E2F6: variants seen among roughly 807,000 people sequenced by gnomAD.
E2F6 encodes E2F transcription factor 6, also known as transcription factor E2F6.
A neutral mutation model predicts 31.5 loss-of-function variants in E2F6; 19 were observed. That is an observed-to-expected ratio of 0.60 (90% CI 0.42 to 0.89). The LOEUF (loss-of-function observed/expected upper bound fraction) is 0.89, where lower values mean the gene tolerates loss of function less well. E2F6 is among the 40% of genes least tolerant of loss of function. The pLI, the probability that E2F6 is intolerant of heterozygous loss-of-function variation, is 0.00. For missense variants in E2F6, 269 were observed against 341.6 expected (o/e 0.79, Z 1.67); for synonymous variants, 121 against 127.7 (o/e 0.95, Z 0.36).
chr2:11,449,940 G>T, intron 5 of E2F6, 72 bp downstream of exon 5: 1 of 1,195,900 alleles, frequency 8.4e-7, no homozygotes. Flanking sequence ...AAGTATGACT[G>T]CAATAAATCA....
intron 3 of E2F6, among the ~76,000 whole-genome samples, chr2:11,452,736 C>A (rs898759293): frequency 6.6e-6 from 1 of 151,952 alleles, no homozygotes; most frequent in African/African-American, 2.4e-5. Context: ...AAGGTCCTTG[C>A]CTTTATCTTT....
chr2:11,464,013 G>A (rs953887427), intron 1 of E2F6, among the ~76,000 whole-genome samples: 10 of 149,668 alleles, frequency 6.7e-5, no homozygotes, highest in Non-Finnish European at 1.2e-4. Flanking sequence ...AGAGGATGAG[G>A]ACAAGGAGAA....
rs1294890415 is a variant in E2F6 at position 11,451,731 on chromosome 2, T to G, written c.456A>C (p.Ala152=). ...KLQEELSDLS[A]MEDALDELIK... ...TTAACTCATCCAAAGCATCTTCCAT[T>G]GCTGATAAGTCAGAAAGTTCCTCCT... Residue 152 remains alanine (A), a synonymous_variant, in exon 4 of 7, where the codon GCA becomes GCC. Coordinates refer to ENST00000381525, the MANE Select transcript of E2F6 (RefSeq NM_198256.4). 1 of 1,609,874 alleles carries G rather than the reference T, an allele frequency of 6.2e-7. No homozygotes were observed. The highest frequency in any genetic ancestry group is 1.3e-5 in the African/African-American group (1 of 74,872).
intron 1 of E2F6, among the ~76,000 whole-genome samples, chr2:11,460,396 C>T (rs566180598): frequency 1.3e-5 from 2 of 152,276 alleles, no homozygotes; most frequent in Non-Finnish European, 2.9e-5. Context: ...TCCTCTGGGA[C>T]CCTCTTTCCC....
Position 11,465,855 on chromosome 2 carries a change from T to C in E2F6, c.25A>G (p.Lys9Glu), listed in dbSNP as rs780103928. 186 of 1,573,252 alleles carry C rather than the reference T, an allele frequency of 1.2e-4. 1 individual carries two copies. Among genetic ancestry groups the C allele is most frequent in the Non-Finnish European group, 1.4e-4 (166 of 1,160,374 alleles). MSQQRPARKLPSLLLDPTE... is the reference protein window; with the variant it reads MSQQRPARELPSLLLDPTE... ...GGGTCCAGGAGGAGACTGGGTAACT[T>C]CCTCGCCGGCCGCTGCTGACTCATG... Residue 9 changes from lysine (K) to glutamate (E), a missense_variant, in exon 1 of 7, where the codon AAG becomes GAG. Lys to Glu is a moderately conservative substitution (Grantham distance 56, BLOSUM62 1). Transcript: ENST00000381525.
chr2:11,451,580 A>G (rs538419313), intron 4 of E2F6, 71 bp downstream of exon 4: 46 of 1,419,006 alleles, frequency 3.2e-5, no homozygotes, highest in South Asian at 2.0e-4. Flanking sequence ...TAAGTCCCCA[A>G]GCTGACTCTA....
At chr2:11,454,039 C>T (rs1671239110) in intron 2 of E2F6, among the ~76,000 whole-genome samples, 1 of 152,170 alleles carries the variant, frequency 6.6e-6, no homozygotes, top group Non-Finnish European at 1.5e-5. Context: ...AATATGCAAC[C>T]AGTGTCCACC....
At chr2:11,447,155 G>A (rs372339565) in intron 6 of E2F6, among the ~76,000 whole-genome samples, 2 of 152,308 alleles carry the variant, frequency 1.3e-5, no homozygotes, top group East Asian at 1.9e-4. Context: ...TCACTGCTCT[G>A]GCCAGATGGG....
intron 1 of E2F6, among the ~76,000 whole-genome samples, chr2:11,464,507 A>G (rs1294354546): frequency 7.2e-6 from 1 of 139,402 alleles, no homozygotes; most frequent in East Asian, 2.0e-4. Context: ...ACAGAGCAAG[A>G]CTTCGTCACC....
chr2:11,453,418 G>T (rs1671196067), intron 3 of E2F6, among the ~76,000 whole-genome samples, 164 bp downstream of exon 3: 1 of 152,130 alleles, frequency 6.6e-6, no homozygotes, highest in African/African-American at 2.4e-5. Context: ...AAAAATTTAT[G>T]TACTCTCTAG....
chr2:11,458,288 T>G lies in E2F6; in HGVS notation c.109-1055A>C, dbSNP rs1315609742. On this transcript the variant is annotated intron_variant, in intron 1 of 6. Transcript: ENST00000381525. ...CCCAGACAGGGAACTCACAGAAGGA[T>G]TCATGGCGAAGGCAGCCCTCAGCTG... 1.9e-6 allele frequency: 3 copies of G among 1,551,604 alleles called. No homozygotes were observed. In the Admixed American group the frequency reaches 5.9e-5, roughly 30 times the overall value.
intron 1 of E2F6, among the ~76,000 whole-genome samples, chr2:11,457,792 C>T (rs978757955): frequency 2.0e-5 from 3 of 152,280 alleles, no homozygotes; most frequent in African/African-American, 4.8e-5. Flanking sequence ...CACGTGGTTC[C>T]CCAAAATTTG....
chr2:11,451,480 A>G, intron 4 of E2F6, 171 bp downstream of exon 4: 1 of 550,046 alleles, frequency 1.8e-6, no homozygotes, highest in Non-Finnish European at 2.9e-6. Flanking sequence ...CCTCCCAAGG[A>G]GCTGGGATTA....
intron 2 of E2F6, among the ~76,000 whole-genome samples, chr2:11,454,021 G>C (rs976139364): frequency 6.6e-6 from 1 of 152,074 alleles, no homozygotes; most frequent in Non-Finnish European, 1.5e-5. Context: ...AAACAAAGGA[G>C]GATTTGAAAT....
At chr2:11,458,378 G>A (rs1671545444) in intron 1 of E2F6, 3 of 1,550,634 alleles carry the variant, frequency 1.9e-6, no homozygotes, top group African/African-American at 2.7e-5. Flanking sequence ...AAAAAGACAG[G>A]ATTGTGGTAC....
rs776864919 is a variant in E2F6, at chr2:11,447,782, A to G, written c.652-8T>C. On this transcript the variant is annotated splice_polypyrimidine_tract_variant and splice_region_variant and intron_variant, in intron 5 of 6. Transcript: ENST00000381525. The stretch of plus-strand genomic sequence containing the variant: ...GTGCACTGTGATAGAGTCCTAGCAA[A>G]GGACACAGGAATCGTCAAGATGAAT... The G allele has an allele frequency of 4.4e-6, 7 of 1,604,156 alleles. No homozygotes were observed. The highest frequency in any genetic ancestry group is 5.9e-6 in the Non-Finnish European group (7 of 1,177,366).
intron 1 of E2F6, among the ~76,000 whole-genome samples, chr2:11,462,047 C>T (rs1671813776): frequency 6.6e-6 from 1 of 152,186 alleles, no homozygotes. Flanking sequence ...AGAAGTAGAG[C>T]TCTTGGCATT....
chr2:11,450,104 C>T lies in E2F6; in HGVS notation c.559G>A (p.Asp187Asn). 6.2e-7 allele frequency: 1 copy of T among 1,612,534 alleles called. No homozygotes were observed. The highest frequency in any genetic ancestry group is 1.1e-5 in the South Asian group (1 of 90,972). Reference protein sequence around the residue: ...NERLAYVTYQDIHSIQAFHEQ... With the variant: ...NERLAYVTYQNIHSIQAFHEQ... The stretch of plus-strand genomic sequence containing the variant: ...TGGAAGGCCTGAATGCTATGAATGT[C>T]TTGATAGGTCACATATGCTAGTGTA... Residue 187 changes from aspartate to asparagine, a missense_variant, in exon 5 of 7, where the codon GAC becomes AAC. By Grantham distance (23) the Asp-to-Asn change is conservative. Transcript: ENST00000381525.
intron 2 of E2F6, among the ~76,000 whole-genome samples, chr2:11,455,029 G>A (rs1043657805): frequency 6.6e-6 from 1 of 152,130 alleles, no homozygotes; most frequent in African/African-American, 2.4e-5. Context: ...CCTTTTTGTT[G>A]CGAAACTACT....
Sources: allele counts gnomAD v4.1 joint callset (sites outside exome capture counted in the v4.1 genomes callset), GRCh38; gene constraint gnomAD v4.1.1; transcripts MANE v1.5; gene names NCBI Gene and HGNC (gene_info 2026-07-23, HGNC 2026-07-21).